The following FBXL14 variants were observed in gnomAD, a reference collection of about 807,000 sequenced individuals.
FBXL14 encodes F-box and leucine rich repeat protein 14, also known as F-box/LRR-repeat protein 14.
Under a neutral mutation model 24.5 loss-of-function variants are expected in FBXL14, and 11 were observed. That is an observed-to-expected ratio of 0.45 (90% CI 0.28 to 0.74). The LOEUF (loss-of-function observed/expected upper bound fraction) is 0.74. FBXL14 is among the 30% of genes least tolerant of loss of function. The pLI, the probability that FBXL14 is intolerant of heterozygous loss-of-function variation, is 0.12. For synonymous variants in FBXL14, 294 were observed against 240.4 expected (o/e 1.22, Z -2.06); for missense variants, 384 against 545.6 (o/e 0.70, Z 2.95).
intron 1 of FBXL14, among the ~76,000 whole-genome samples, chr12:1,575,916 T>C (rs886720865): frequency 6.6e-6 from 1 of 152,184 alleles, no homozygotes; most frequent in African/African-American, 2.4e-5. Flanking sequence ...GGTCCTGTCC[T>C]GAGGAAATGC....
rs748337782 is a variant in FBXL14, at chr12:1,593,719, G to A, written c.348C>T (p.Ile116=). The change falls in exon 1 of 2, where the codon ATC becomes ATT. Residue 116 remains isoleucine, a synonymous_variant. Transcript: ENST00000339235. The surrounding 1 kb of genome is among the most constrained non-coding windows in gnomAD (Gnocchi z 7.4). ...NGLGHAFVQE[I]GSLRALNLSL... is the part of the protein sequence containing the mutation. ...TCAGGTTGAGAGCGCGCAGGGAGCC[G>A]ATCTCCTGCACAAACGCGTGGCCCA... is the stretch of plus-strand genomic sequence containing the variant. The A allele has an allele frequency of 3.1e-6, 5 of 1,614,116 alleles. No individual in the cohort carries two copies. The highest frequency in any genetic ancestry group is 4.2e-6 in the Non-Finnish European group (5 of 1,180,010).
At chr12:1,591,681 T>A (rs1356687414) in intron 1 of FBXL14, among the ~76,000 whole-genome samples, 1 of 152,172 alleles carries the variant, frequency 6.6e-6, no homozygotes, top group Non-Finnish European at 1.5e-5. Flanking sequence ...CGGAATTTTT[T>A]AAAACCCACA....
chr12:1,584,831 T>G (rs1033623457), intron 1 of FBXL14, among the ~76,000 whole-genome samples: 1 of 152,232 alleles, frequency 6.6e-6, no homozygotes. Context: ...CTTGTCGTTG[T>G]TGTTGTTCAC....
intron 1 of FBXL14, among the ~76,000 whole-genome samples, chr12:1,592,294 A>G (rs1351052829): frequency 6.6e-6 from 1 of 151,258 alleles, no homozygotes. Flanking sequence ...ATTTTTAAAC[A>G]GGAAAGAAGA....
Position 1,566,616 on chromosome 12 carries a change from T to C in FBXL14, c.*132A>G, listed in dbSNP as rs1329997410. 1 of 701,930 alleles carries C rather than the reference T, an allele frequency of 1.4e-6. No individual in the cohort carries two copies. The highest frequency in any genetic ancestry group is 1.8e-5 in the African/African-American group (1 of 56,858). The allele number at this position is 701,930 out of a possible 1,614,324, so 43.5% of individuals were successfully genotyped here. A position where few individuals can be genotyped will look rare whatever the true frequency, so the allele number is the denominator to read the frequency against. Reference sequence around the variant, plus strand: ...TCACAAGGTACCGGAGCAGAAGCCCTGGGCAGCAGCCTCTGCCCGAGCAGT... The same window carrying C: ...TCACAAGGTACCGGAGCAGAAGCCCCGGGCAGCAGCCTCTGCCCGAGCAGT... On this transcript the variant is annotated 3_prime_UTR_variant, in exon 2 of 2. Transcript: ENST00000339235.
Position 1,593,891 on chromosome 12 carries a change from G to A in FBXL14, c.176C>T (p.Pro59Leu). Reference sequence around the variant, plus strand: ...GGCCTGCAGGCTGGGGAACAGCGACGGGTTGGCCCGGCGCAGGTGCAGCTT... The same window carrying A: ...GGCCTGCAGGCTGGGGAACAGCGACAGGTTGGCCCGGCGCAGGTGCAGCTT... ...EAKLHLRRAN[P>L]SLFPSLQARG... The change falls in exon 1 of 2, where the codon CCG becomes CTG. Residue 59 changes from proline to leucine, a missense_variant. Transcript: ENST00000339235. This position sits in a 1 kb window ranked among gnomAD's most constrained non-coding sequence, Gnocchi z 7.4. The A allele has an allele frequency of 5.0e-6, 8 of 1,606,342 alleles. No homozygotes were observed. The highest frequency in any genetic ancestry group is 6.8e-6 in the Non-Finnish European group (8 of 1,179,076).
intron 1 of FBXL14, among the ~76,000 whole-genome samples, chr12:1,585,397 CAAAAAAA>C (rs34371174): frequency 2.6e-4 from 24 of 93,864 alleles, no homozygotes; most frequent in African/African-American, 8.3e-4. Context: ...GACTCCGTCT[CAAAAAAA>C]AAAAAAAAAT....
chr12:1,592,654 A>G (rs987065339), intron 1 of FBXL14, among the ~76,000 whole-genome samples: 2 of 152,188 alleles, frequency 1.3e-5, no homozygotes, highest in Non-Finnish European at 2.9e-5. Flanking sequence ...AGCTGGGAGT[A>G]GGGTAGGGTA....
At chr12:1,582,401 G>A (rs1287795344) in intron 1 of FBXL14, among the ~76,000 whole-genome samples, 2 of 152,040 alleles carry the variant, frequency 1.3e-5, no homozygotes, top group Non-Finnish European at 2.9e-5. Context: ...TCTCATTCTG[G>A]CTCCTCAGCC....
At chr12:1,581,124 G>C (rs1161285292) in intron 1 of FBXL14, among the ~76,000 whole-genome samples, 1 of 151,944 alleles carries the variant, frequency 6.6e-6, no homozygotes, top group Non-Finnish European at 1.5e-5. Flanking sequence ...GACCCCTCTC[G>C]ACAGTCTTCA....
chr12:1,568,647 A>G (rs1042008747), intron 1 of FBXL14, among the ~76,000 whole-genome samples: 1 of 152,130 alleles, frequency 6.6e-6, no homozygotes, highest in Non-Finnish European at 1.5e-5. Context: ...AGGAATTAGG[A>G]TTATGGTGTT....
chr12:1,566,871 A>G, intron 1 of FBXL14, 61 bp from the exon 2 acceptor site: 1 of 773,172 alleles, frequency 1.3e-6, no homozygotes, highest in East Asian at 2.4e-5. Context: ...TGCTCTTCCT[A>G]ACGAGGTCGC....
intron 1 of FBXL14, among the ~76,000 whole-genome samples, chr12:1,591,228 A>G (rs2094488810): frequency 6.6e-6 from 1 of 152,162 alleles, no homozygotes; most frequent in South Asian, 2.1e-4. Flanking sequence ...ACTCACCCCC[A>G]CATAGGATGC....
intron 1 of FBXL14, among the ~76,000 whole-genome samples, chr12:1,581,818 C>T (rs1427455640): frequency 1.3e-5 from 2 of 152,166 alleles, no homozygotes; most frequent in African/African-American, 2.4e-5. Flanking sequence ...GAAAGAGGGC[C>T]TACCTTCTTG....
At chr12:1,577,334 G>C (rs538595805) in intron 1 of FBXL14, among the ~76,000 whole-genome samples, 1 of 152,126 alleles carries the variant, frequency 6.6e-6, no homozygotes, top group South Asian at 2.1e-4. Context: ...GCCCCTCCTC[G>C]GGGGAGGGCA....
rs927372604 is a variant in FBXL14 at position 1,594,492 on chromosome 12, G to A, written c.-426C>T. Among the ~76,000 whole-genome samples the A allele has an allele frequency of 3.1e-4, 46 of 146,850 alleles. No individual in the cohort carries two copies. Among genetic ancestry groups the A allele is most frequent in the Admixed American group, 1.3e-3 (19 of 14,790 alleles). ...TGCCGCCGCCGCTGCTCCGCGGGCCGGCGGGCGGCGAGGGGGCCCCGGGGG... is the reference window on the plus strand; with the variant it reads ...TGCCGCCGCCGCTGCTCCGCGGGCCAGCGGGCGGCGAGGGGGCCCCGGGGG... On this transcript the variant is annotated 5_prime_UTR_variant, in exon 1 of 2. Transcript: ENST00000339235.
At chr12:1,572,877 G>A (rs187687914) in intron 1 of FBXL14, among the ~76,000 whole-genome samples, 7 of 152,238 alleles carry the variant, frequency 4.6e-5, no homozygotes, top group Admixed American at 3.3e-4. Context: ...GAAATAATGC[G>A]GTCAGAATCC....
chr12:1,585,435 T>C (rs2094474712), intron 1 of FBXL14, among the ~76,000 whole-genome samples: 1 of 151,830 alleles, frequency 6.6e-6, no homozygotes, highest in African/African-American at 2.4e-5. Context: ...TGTATGTAAA[T>C]AATGCTAGTT....
At chr12:1,587,110 G>C (rs943869341) in intron 1 of FBXL14, among the ~76,000 whole-genome samples, 1 of 152,018 alleles carries the variant, frequency 6.6e-6, no homozygotes, top group African/African-American at 2.4e-5. Context: ...GGTGGCACAC[G>C]CCTGTAATCC....
Sources: allele counts gnomAD v4.1 joint callset (sites outside exome capture counted in the v4.1 genomes callset), GRCh38; gene constraint gnomAD v4.1.1; non-coding constraint Gnocchi (gnomAD v3.1); transcripts MANE v1.5; gene names NCBI Gene and HGNC (gene_info 2026-07-23, HGNC 2026-07-21).